PCDHGA10: variants seen among roughly 807,000 people sequenced by gnomAD.
The protein encoded by PCDHGA10 is protocadherin gamma-A10.
A neutral mutation model predicts 59.5 loss-of-function variants in PCDHGA10; 42 were observed. That is an observed-to-expected ratio of 0.71 (90% CI 0.55 to 0.91). The LOEUF is 0.91. Ranked by LOEUF, PCDHGA10 falls within the 40% of genes least tolerant of loss-of-function variation. The probability of loss-of-function intolerance (pLI) is 0.00; values close to 1 mark genes in which losing one functional copy is unlikely to be tolerated. For missense variants in PCDHGA10, 1,111 were observed against 1,198.2 expected, an observed-to-expected ratio of 0.93 and a Z score of 1.07; for synonymous variants, 511 against 517.2, an observed-to-expected ratio of 0.99 and a Z score of 0.16.
At position 141,493,412 on chromosome 5, in the gene PCDHGA10, G is replaced by A. The variant is rs1288041038; in HGVS notation, c.2437-1395G>A. Among the ~76,000 whole-genome samples, 3 of 152,114 alleles carry A rather than the reference G, an allele frequency of 2.0e-5. No individual in the cohort carries two copies. The highest frequency in any genetic ancestry group is 4.4e-5 in the Non-Finnish European group (3 of 68,024). On this transcript the variant is annotated intron_variant, in intron 1 of 3. Coordinates refer to ENST00000398610, the MANE Select transcript of PCDHGA10 (RefSeq NM_018913.3). This position sits in a 1 kb window ranked among gnomAD's most constrained non-coding sequence, Gnocchi z 4.3. ...CAGGAGAGGGGAGTTGCCTCTGCTG[G>A]GATTTTGCTTCTGCTGGGATGGGGC...
At chr5:141,425,296 T>A (rs1283179158) in intron 1 of PCDHGA10, among the ~76,000 whole-genome samples, 1 of 152,194 alleles carries the variant, frequency 6.6e-6, no homozygotes, top group Non-Finnish European at 1.5e-5. Flanking sequence ...TAAAACCTCA[T>A]CTAAACTAAC....
intron 2 of PCDHGA10, among the ~76,000 whole-genome samples, chr5:141,500,666 G>A (rs567881941): frequency 3.6e-4 from 55 of 152,250 alleles, no homozygotes; most frequent in African/African-American, 1.3e-3. Context: ...AGGCCATACT[G>A]TCCAACAGAA....
rs2099413746 is a variant in PCDHGA10, at chr5:141,477,589, G to A, written c.2437-17218G>A. ...ACCCCGACGCCCCGCAGAATGCTCGGCTTTCTTTCTTTCTCTTGGAGCAAG... is the reference window on the plus strand; with the variant it reads ...ACCCCGACGCCCCGCAGAATGCTCGACTTTCTTTCTTTCTCTTGGAGCAAG... On this transcript the variant is annotated intron_variant, in intron 1 of 3. Transcript: ENST00000398610. The surrounding 1 kb of genome is among the most constrained non-coding windows in gnomAD (Gnocchi z 4.9). 1 of 1,614,012 alleles carries A rather than the reference G, an allele frequency of 6.2e-7. No individual in the cohort carries two copies. The highest frequency in any genetic ancestry group is 1.1e-5 in the South Asian group (1 of 91,090).
At chr5:141,421,678 G>T in intron 1 of PCDHGA10, 3 of 1,613,892 alleles carry the variant, frequency 1.9e-6, no homozygotes, top group Non-Finnish European at 2.5e-6. Context: ...AATTCCTGGG[G>T]CGCGATTTGC....
chr5:141,508,979 G>A (rs1317798009), intron 3 of PCDHGA10, among the ~76,000 whole-genome samples: 1 of 152,110 alleles, frequency 6.6e-6, no homozygotes, highest in Non-Finnish European at 1.5e-5. Context: ...GCTGGGGGTG[G>A]GGGCCAGCTG....
intron 1 of PCDHGA10, among the ~76,000 whole-genome samples, chr5:141,469,187 G>T (rs147209381): frequency 5.9e-5 from 9 of 151,588 alleles, no homozygotes; most frequent in African/African-American, 1.9e-4. Context: ...GAGGCAAGAG[G>T]ATTGCTTGAG....
intron 1 of PCDHGA10, chr5:141,419,197 T>A (rs560134083): frequency 6.2e-7 from 1 of 1,613,966 alleles, no homozygotes; most frequent in East Asian, 2.2e-5. Flanking sequence ...CTGACGTCAA[T>A]GACAACGCGC....
chr5:141,427,855 G>T (rs2097079766), intron 1 of PCDHGA10: 1 of 1,553,826 alleles, frequency 6.4e-7, no homozygotes, highest in Non-Finnish European at 8.8e-7. Flanking sequence ...GAGCAGCTGT[G>T]CGCCTTCGAG....
chr5:141,460,091 A>G (rs2098981847), intron 1 of PCDHGA10, among the ~76,000 whole-genome samples: 1 of 152,002 alleles, frequency 6.6e-6, no homozygotes, highest in Non-Finnish European at 1.5e-5. Flanking sequence ...AATAATAATT[A>G]TACATGTAAT....
chr5:141,475,388 G>C (rs1230010845), intron 1 of PCDHGA10, among the ~76,000 whole-genome samples: 8 of 152,170 alleles, frequency 5.3e-5, no homozygotes, highest in Non-Finnish European at 1.0e-4. Flanking sequence ...AATTTTATAA[G>C]CCAGAGTTAA....
In PCDHGA10 at chr5:141,487,161, T is replaced by C; in HGVS notation, c.2437-7646T>C. Reference sequence around the variant, plus strand: ...CTCTCTACCTCTGTTACTCTCTTAGTGTCCTTAGAGGAAGACACTCATCCA... The same window carrying C: ...CTCTCTACCTCTGTTACTCTCTTAGCGTCCTTAGAGGAAGACACTCATCCA... On this transcript the variant is annotated intron_variant, in intron 1 of 3. Coordinates refer to ENST00000398610, the MANE Select transcript of PCDHGA10 (RefSeq NM_018913.3). This position sits in a 1 kb window ranked among gnomAD's most constrained non-coding sequence, Gnocchi z 5.0. 6.2e-7 allele frequency: 1 copy of C among 1,613,528 alleles called. No homozygotes were observed.
intron 1 of PCDHGA10, among the ~76,000 whole-genome samples, chr5:141,442,945 C>G (rs1000311671): frequency 1.8e-4 from 28 of 152,150 alleles, no homozygotes; most frequent in African/African-American, 6.3e-4. Context: ...GAAACTTCCT[C>G]TCACTGCAAA....
chr5:141,482,529 G>GAAAAAAAA (rs1256461887), intron 1 of PCDHGA10, among the ~76,000 whole-genome samples: 1 of 56,042 alleles, frequency 1.8e-5, no homozygotes, highest in Admixed American at 1.9e-4. Context: ...AGACAGACAT[G>GAAAAAAAA]CAAAAAAAAA....
Position 141,487,399 on chromosome 5 carries a change from G to T in PCDHGA10, c.2437-7408G>T, listed in dbSNP as rs749826036. 6.2e-7 allele frequency: 1 copy of T among 1,614,140 alleles called. No individual in the cohort carries two copies. The highest frequency in any genetic ancestry group is 8.5e-7 in the Non-Finnish European group (1 of 1,180,014). ...TCACCAGATCTCGAAGGAGGGAGGG[G>T]CTTCCCCCTTCCAATGGGATCCTCC... On this transcript the variant is annotated intron_variant, in intron 1 of 3. Transcript: ENST00000398610. The surrounding 1 kb of genome is among the most constrained non-coding windows in gnomAD (Gnocchi z 5.0).
chr5:141,485,714 G>C lies in PCDHGA10; in HGVS notation c.2437-9093G>C, dbSNP rs896709540. 6.2e-7 allele frequency: 1 copy of C among 1,614,064 alleles called. No homozygotes were observed. Among genetic ancestry groups the C allele is most frequent in the Non-Finnish European group, 8.5e-7 (1 of 1,180,050 alleles). On this transcript the variant is annotated intron_variant, in intron 1 of 3. Coordinates refer to ENST00000398610, the MANE Select transcript of PCDHGA10 (RefSeq NM_018913.3). The surrounding 1 kb of genome is among the most constrained non-coding windows in gnomAD (Gnocchi z 5.7). The stretch of plus-strand genomic sequence containing the variant: ...GAGCTCCAATGAACACTTTGCACTG[G>C]ATGTGAAGAAGCGCAGCGACGGCAG...
At chr5:141,429,385 T>A (rs1274446916) in intron 1 of PCDHGA10, among the ~76,000 whole-genome samples, 1 of 151,844 alleles carries the variant, frequency 6.6e-6, no homozygotes, top group Non-Finnish European at 1.5e-5. Flanking sequence ...GTGTTTTTTT[T>A]TTAAAAAAAA....
intron 1 of PCDHGA10, among the ~76,000 whole-genome samples, chr5:141,425,386 G>C (rs2096871887): frequency 6.6e-6 from 1 of 152,224 alleles, no homozygotes; most frequent in South Asian, 2.1e-4. Context: ...TTCGGAGGTA[G>C]TGATAAAGTT....
At chr5:141,478,098 C>T (rs779493391) in intron 1 of PCDHGA10, 1 of 1,614,142 alleles carries the variant, frequency 6.2e-7, no homozygotes, top group South Asian at 1.1e-5. Flanking sequence ...ACCACTGCTA[C>T]CCTCACTGTG....
Position 141,510,977 on chromosome 5 carries a change from G to T in PCDHGA10, c.2615G>T (p.Gly872Val). 1.2e-6 allele frequency: 2 copies of T among 1,614,170 alleles called. No individual in the cohort carries two copies. Among genetic ancestry groups the T allele is most frequent in the Non-Finnish European group, 1.7e-6 (2 of 1,180,020 alleles). The change falls in exon 4 of 4, where the codon GGG becomes GTG. Residue 872 changes from glycine to valine, a missense_variant. Physicochemically the swap from Gly to Val is moderately radical, Grantham distance 109. Transcript: ENST00000398610. ...GCTGATGGGAGCTCCACCCTGGGAG[G>T]GGGTGCCGGCACCATGGGATTGAGC... ...EAADGSSTLG[G>V]GAGTMGLSAR...
Sources: allele counts gnomAD v4.1 joint callset (sites outside exome capture counted in the v4.1 genomes callset), GRCh38; gene constraint gnomAD v4.1.1; non-coding constraint Gnocchi (gnomAD v3.1); transcripts MANE v1.5; gene names NCBI Gene and HGNC (gene_info 2026-07-23, HGNC 2026-07-21).